The following DNAH8 variants were observed in gnomAD, a reference collection of about 807,000 sequenced individuals.
DNAH8 encodes axonemal beta dynein heavy chain 8.
A neutral mutation model predicts 562.1 loss-of-function variants in DNAH8; 382 were observed. The ratio of observed to expected loss-of-function variants is 0.68; its 90% CI spans 0.63 to 0.74. The LOEUF is 0.74. DNAH8 is among the 30% of genes least tolerant of loss of function. DNAH8 has a pLI of 0.00. For synonymous variants in DNAH8, 1,881 were observed against 1,919.4 expected, an observed-to-expected ratio of 0.98 and a Z score of 0.52; for missense variants, 5,203 against 5,620.4, an observed-to-expected ratio of 0.93 and a Z score of 2.37.
intron 88 of DNAH8, among the ~76,000 whole-genome samples, chr6:38,995,907 TTGCC>T (rs1765104293): frequency 6.6e-5 from 10 of 152,204 alleles, no homozygotes; most frequent in Admixed American, 6.5e-4. Flanking sequence ...CACTATGGTG[TTGCC>T]AACACATCCC....
At chr6:38,984,375 A>G (rs778894799) in intron 87 of DNAH8, 68 bp downstream of exon 87, 2 of 988,522 alleles carry the variant, frequency 2.0e-6, no homozygotes, top group South Asian at 1.3e-5. Flanking sequence ...TTTTGTTTGT[A>G]ATAGGTCTGC....
At position 38,938,994 on chromosome 6, in the gene DNAH8, G is replaced by A; in HGVS notation, c.12007+6G>A. 1 of 1,611,296 alleles carries A rather than the reference G, an allele frequency of 6.2e-7. No homozygotes were observed. The highest frequency in any genetic ancestry group is 8.5e-7 in the Non-Finnish European group (1 of 1,178,216). On this transcript the variant is annotated splice_donor_region_variant and intron_variant, in intron 79 of 92. Transcript: ENST00000327475. Reference sequence around the variant, plus strand: ...GTTTCAAGCTCTCATTAAAGGTAAAGTGTGTGGGATACAGATGTGGTGTGT... The same window carrying A: ...GTTTCAAGCTCTCATTAAAGGTAAAATGTGTGGGATACAGATGTGGTGTGT...
rs1262469194 is a variant in DNAH8 at position 38,734,376 on chromosome 6, T to G, written c.611-98T>G. 9.0e-6 allele frequency: 12 copies of G among 1,328,288 alleles called. No individual in the cohort carries two copies. In the East Asian group the frequency reaches 5.4e-4, roughly 60 times the overall value. 82.3% of individuals were successfully genotyped at this position (1,328,288 alleles called of 1,614,324 possible). ...TGACCGTATTGAAAACTTCTTACAA[T>G]AAAGTAAAACAGGAAACAATAGTGT... On this transcript the variant is annotated intron_variant, in intron 4 of 92. Coordinates refer to ENST00000327475, the MANE Select transcript of DNAH8 (RefSeq NM_001206927.2).
chr6:38,907,476 A>G (rs1196456290), intron 63 of DNAH8, among the ~76,000 whole-genome samples: 4 of 152,208 alleles, frequency 2.6e-5, no homozygotes, highest in Non-Finnish European at 5.9e-5. Flanking sequence ...TCAATTACTA[A>G]TGGAGGAGAC....
intron 20 of DNAH8, among the ~76,000 whole-genome samples, chr6:38,790,913 C>T (rs1769682461): frequency 6.6e-6 from 1 of 152,024 alleles, no homozygotes; most frequent in South Asian, 2.1e-4. Context: ...CCCTGAATTA[C>T]CTTGCATTTA....
At position 38,775,880 on chromosome 6, in the gene DNAH8, A is replaced by G. The variant is rs757558240; in HGVS notation, c.1891A>G (p.Ile631Val). 1 of 1,613,062 alleles carries G rather than the reference A, an allele frequency of 6.2e-7. No homozygotes were observed. ...YQGVKKKQYD[I>V]LDPRRTEFDT... ...AGGGGTTAAGAAAAAGCAATATGAC[A>G]TTCTGGATCCAAGAAGGACAGAATT... The change falls in exon 13 of 93, where the codon ATT becomes GTT. Residue 631 changes from isoleucine (I) to valine (V), a missense_variant. This residue lies in a region of DNAH8 where 2,176 missense variants were observed against 2,365.1 expected (regional missense o/e 0.92). Transcript: ENST00000327475.
At chr6:38,730,572 TG>T (rs1207264264) in intron 4 of DNAH8, among the ~76,000 whole-genome samples, 1 of 152,266 alleles carries the variant, frequency 6.6e-6, no homozygotes, top group Non-Finnish European at 1.5e-5. Flanking sequence ...TTGGTTCCTC[TG>T]CTGCCTTAGG....
chr6:38,755,644 C>T (rs1300221993), intron 9 of DNAH8, among the ~76,000 whole-genome samples: 1 of 152,070 alleles, frequency 6.6e-6, no homozygotes, highest in Non-Finnish European at 1.5e-5. Flanking sequence ...AACTATTAAC[C>T]TTAAAATGGC....
intron 64 of DNAH8, 46 bp downstream of exon 64, chr6:38,908,166 T>C: frequency 8.4e-7 from 1 of 1,187,904 alleles, no homozygotes; most frequent in Non-Finnish European, 1.1e-6. Flanking sequence ...GAGTTCCTTA[T>C]TTAAAGGTGC....
chr6:38,806,061 A>G (rs745958948), intron 23 of DNAH8, among the ~76,000 whole-genome samples: 6 of 152,144 alleles, frequency 3.9e-5, no homozygotes, highest in Non-Finnish European at 8.8e-5. Flanking sequence ...AGATAGGCAG[A>G]TTTTCACATT....
chr6:38,989,630 G>A (rs1369842394), intron 87 of DNAH8, among the ~76,000 whole-genome samples: 3 of 152,154 alleles, frequency 2.0e-5, no homozygotes, highest in Non-Finnish European at 2.9e-5. Context: ...GGGGAGAAGT[G>A]GGGTGATGAA....
chr6:38,815,381 C>T (rs778846867), intron 25 of DNAH8, 87 bp from the exon 26 acceptor site: 51 of 1,090,848 alleles, frequency 4.7e-5, no homozygotes, highest in Non-Finnish European at 6.8e-5. Context: ...GAGGCTTGCC[C>T]CACTCAGTGG....
intron 81 of DNAH8, 55 bp downstream of exon 81, chr6:38,949,625 C>A: frequency 9.5e-7 from 1 of 1,047,660 alleles, no homozygotes; most frequent in Non-Finnish European, 1.5e-6. Flanking sequence ...TGCTAAATTA[C>A]AGATTTTATC....
At chr6:38,991,473 A>G (rs1764782422) in intron 88 of DNAH8, among the ~76,000 whole-genome samples, 1 of 152,250 alleles carries the variant, frequency 6.6e-6, no homozygotes, top group South Asian at 2.1e-4. Flanking sequence ...AAAGAGGAGC[A>G]TAGGAAAGTA....
chr6:38,908,604 G>A (rs11758513), intron 64 of DNAH8, among the ~76,000 whole-genome samples: 1,737 of 152,292 alleles, frequency 0.011, 15 homozygotes, highest in Middle Eastern at 0.031. Context: ...CTAGGCTGAA[G>A]TGCAGTGGCA....
chr6:38,802,275 T>G (rs1347120190), intron 21 of DNAH8, among the ~76,000 whole-genome samples: 1 of 151,854 alleles, frequency 6.6e-6, no homozygotes, highest in Non-Finnish European at 1.5e-5. Flanking sequence ...GATGAGGTCT[T>G]GTGCTGTCAC....
intron 28 of DNAH8, among the ~76,000 whole-genome samples, chr6:38,824,758 G>A (rs1409975610): frequency 6.6e-6 from 1 of 151,968 alleles, no homozygotes; most frequent in African/African-American, 2.4e-5. Context: ...GAGACGCTTA[G>A]CATAGTACCT....
intron 81 of DNAH8, 137 bp downstream of exon 81, chr6:38,949,707 C>A (rs10456466): frequency 0.012 from 7,464 of 610,246 alleles, 86 homozygotes; most frequent in Middle Eastern, 0.035. Context: ...TTTGTGCCAA[C>A]CTAATATTAT....
intron 31 of DNAH8, among the ~76,000 whole-genome samples, chr6:38,833,807 T>A (rs1371085658): frequency 6.6e-6 from 1 of 152,120 alleles, no homozygotes; most frequent in Non-Finnish European, 1.5e-5. Flanking sequence ...AAAAAAAAAA[T>A]TATTGGGCCT....
Sources: gnomAD v4.1 joint callset for allele counts (sites outside exome capture counted in the v4.1 genomes callset) on GRCh38, gnomAD v4.1.1 for gene constraint, gnomAD v4.1.1 regional missense constraint, MANE v1.5 for transcripts, NCBI Gene and HGNC (gene_info 2026-07-23, HGNC 2026-07-21) for gene names.